The following CSMD3 variants were observed in gnomAD, a reference collection of about 807,000 sequenced individuals.
CSMD3 encodes the protein CUB and sushi domain-containing protein 3.
A neutral mutation model predicts 435.2 loss-of-function variants in CSMD3; 177 were observed. That is an observed-to-expected ratio of 0.41 (90% CI 0.36 to 0.46). The LOEUF (loss-of-function observed/expected upper bound fraction) is 0.46. Ranked by LOEUF, CSMD3 falls within the 20% of genes least tolerant of loss-of-function variation. CSMD3 has a pLI of 0.34. For missense variants in CSMD3, 4,265 were observed against 4,504.6 expected (o/e 0.95, Z 1.52); for synonymous variants, 1,656 against 1,520.5 (o/e 1.09, Z -2.07).
At chr8:113,007,666 G>T (rs1478457724) in intron 6 of CSMD3, among the ~76,000 whole-genome samples, 1 of 151,852 alleles carries the variant, frequency 6.6e-6, no homozygotes. Flanking sequence ...GAACCTAACC[G>T]AGTTTTAATC....
intron 38 of CSMD3, among the ~76,000 whole-genome samples, chr8:112,353,335 A>G (rs921636311): frequency 6.6e-6 from 1 of 152,152 alleles, no homozygotes; most frequent in African/African-American, 2.4e-5. Flanking sequence ...GGTTGCAGTG[A>G]GCTGAGATCT....
At chr8:112,833,332 A>AT (rs919831037) in intron 11 of CSMD3, among the ~76,000 whole-genome samples, 8 of 151,712 alleles carry the variant, frequency 5.3e-5, no homozygotes, top group South Asian at 4.2e-4. Context: ...TATTTTAATA[A>AT]TTTTTTTAGT....
At chr8:112,780,183 C>A (rs1477312697) in intron 13 of CSMD3, among the ~76,000 whole-genome samples, 1 of 151,964 alleles carries the variant, frequency 6.6e-6, no homozygotes. Flanking sequence ...TACATATACC[C>A]TGGCGCCATG....
intron 10 of CSMD3, among the ~76,000 whole-genome samples, chr8:112,862,827 T>C (rs2080863285): frequency 6.6e-6 from 1 of 152,004 alleles, no homozygotes; most frequent in South Asian, 2.1e-4. Context: ...TAAATTACTC[T>C]CCAAAAGTTT....
intron 32 of CSMD3, among the ~76,000 whole-genome samples, chr8:112,454,164 A>G (rs1327126385): frequency 6.6e-6 from 1 of 152,226 alleles, no homozygotes; most frequent in Non-Finnish European, 1.5e-5. Flanking sequence ...AAATGTAGGA[A>G]ATACCATTCT....
At chr8:112,451,159 T>G (rs2130597240) in intron 32 of CSMD3, among the ~76,000 whole-genome samples, 1 of 152,280 alleles carries the variant, frequency 6.6e-6, no homozygotes, top group Admixed American at 6.5e-5. Flanking sequence ...TGATGGATAT[T>G]TTATATTTGC....
chr8:112,924,265 C>G (rs1441635868), intron 9 of CSMD3, among the ~76,000 whole-genome samples: 1 of 152,042 alleles, frequency 6.6e-6, no homozygotes, highest in Admixed American at 6.6e-5. Context: ...CAAGCTGTCA[C>G]GGAAATCCGA....
At position 113,045,172 on chromosome 8, in the gene CSMD3, TAAACA is replaced by T. The variant is rs891418914; in HGVS notation, c.918-25998_918-25994del. On this transcript the variant is annotated intron_variant, in intron 5 of 70. Coordinates refer to ENST00000297405, the MANE Select transcript of CSMD3 (RefSeq NM_198123.2). ...TTAAATCTTGGTTAAATGAAGGGGCTAAACAAAACAAAACAAACAACAACAAAAAA... is the reference window on the plus strand; with the variant it reads ...TTAAATCTTGGTTAAATGAAGGGGCTAAACAAAACAAACAACAACAAAAAA... Among the ~76,000 whole-genome samples the T allele has an allele frequency of 1.1e-4, 17 of 149,274 alleles. 2 individuals carry two copies. The highest frequency in any genetic ancestry group is 2.1e-4 in the Non-Finnish European group (14 of 66,276).
In CSMD3 at chr8:113,138,452, T is replaced by A. The variant is rs149362811; in HGVS notation, c.709+35270A>T. ...TAAATTGTAGTTCTCATCAAATAAG[T>A]CAATAGGTTTCAGTAATATCTAGAG... On this transcript the variant is annotated intron_variant, in intron 4 of 70. Transcript: ENST00000297405. Among the ~76,000 whole-genome samples, 51 of 151,592 alleles carry A rather than the reference T, an allele frequency of 3.4e-4. No individual in the cohort carries two copies. In the East Asian group the frequency reaches 9.9e-3, roughly 29 times the overall value.
intron 2 of CSMD3, among the ~76,000 whole-genome samples, chr8:113,297,014 A>C (rs927194726): frequency 7.9e-5 from 12 of 152,182 alleles, no homozygotes; most frequent in Non-Finnish European, 1.5e-5. Flanking sequence ...GTTAAACACA[A>C]CATTATTTAT....
Position 112,288,157 on chromosome 8 carries a change from A to C in CSMD3, c.9149-911T>G, listed in dbSNP as rs1054383711. ...TATGTCCTTATTTTCATGTGATGTA[A>C]AATTAATAACCACACAAAATTTTAA... On this transcript the variant is annotated intron_variant, in intron 57 of 70. Transcript: ENST00000297405. Among the ~76,000 whole-genome samples the C allele has an allele frequency of 7.2e-5, 11 of 151,890 alleles. No individual in the cohort carries two copies. In the East Asian group the frequency reaches 2.1e-3, roughly 30 times the overall value.
chr8:113,415,518 A>C (rs2129863938), intron 1 of CSMD3, among the ~76,000 whole-genome samples: 1 of 152,290 alleles, frequency 6.6e-6, no homozygotes, highest in South Asian at 2.1e-4. Flanking sequence ...TTTAATTTTT[A>C]TTTAAAGTTA....
intron 7 of CSMD3, among the ~76,000 whole-genome samples, chr8:112,960,073 A>T (rs2084171060): frequency 1.3e-5 from 2 of 151,874 alleles, no homozygotes; most frequent in Admixed American, 1.3e-4. Flanking sequence ...CAGAGATTTA[A>T]ATGTGTAGGG....
At chr8:112,494,572 T>TTTTC (rs1357885226) in intron 30 of CSMD3, among the ~76,000 whole-genome samples, 2 of 130,864 alleles carry the variant, frequency 1.5e-5, no homozygotes, top group Non-Finnish European at 3.2e-5. Flanking sequence ...TCTTTCTTTC[T>TTTTC]TTTCTTTCTT....
intron 13 of CSMD3, among the ~76,000 whole-genome samples, chr8:112,726,999 CA>C (rs2131994055): frequency 6.6e-6 from 1 of 151,740 alleles, no homozygotes; most frequent in South Asian, 2.1e-4. Flanking sequence ...AAAATAAAGA[CA>C]AAAATGACTA....
intron 32 of CSMD3, among the ~76,000 whole-genome samples, chr8:112,455,668 CA>C: frequency 6.6e-6 from 1 of 151,686 alleles, no homozygotes; most frequent in South Asian, 2.1e-4. Context: ...GGGAAATTTA[CA>C]GTGAAAGATT....
rs369472849 is a variant in CSMD3 at position 112,975,800 on chromosome 8, G to T, written c.1342+37C>A. Reference sequence around the variant, plus strand: ...TCATTACCAAAATATAGCTTTGGCTGTAACTAAATGGGCACAAGTAAAATA... The same window carrying T: ...TCATTACCAAAATATAGCTTTGGCTTTAACTAAATGGGCACAAGTAAAATA... On this transcript the variant is annotated intron_variant, in intron 7 of 70. Transcript: ENST00000297405. 6.8e-6 allele frequency: 11 copies of T among 1,611,550 alleles called. 1 individual carries two copies. The South Asian group carries it at 1.2e-4, about 18-fold the overall frequency.
chr8:112,300,611 A>T (rs77674192), intron 53 of CSMD3, among the ~76,000 whole-genome samples: 2 of 152,028 alleles, frequency 1.3e-5, no homozygotes, highest in Admixed American at 1.3e-4. Flanking sequence ...AAGAGGAAAG[A>T]CACTAGTCTG....
intron 32 of CSMD3, among the ~76,000 whole-genome samples, chr8:112,436,580 G>C (rs1412892311): frequency 2.0e-5 from 3 of 151,494 alleles, no homozygotes. Flanking sequence ...AGATTTTTAT[G>C]TATATATATG....
Sources: allele counts gnomAD v4.1 joint callset (sites outside exome capture counted in the v4.1 genomes callset), GRCh38; gene constraint gnomAD v4.1.1; transcripts MANE v1.5; gene names NCBI Gene and HGNC (gene_info 2026-07-23, HGNC 2026-07-21).